CTNNA2: variants seen among roughly 807,000 people sequenced by gnomAD.
CTNNA2 encodes the protein catenin alpha 2, also known as catenin alpha-2.
Under a neutral mutation model 101.0 loss-of-function variants are expected in CTNNA2, and 42 were observed. That is an observed-to-expected ratio of 0.42 (90% confidence interval 0.32 to 0.54). The LOEUF is 0.54. Ranked by LOEUF, CTNNA2 falls within the 20% of genes least tolerant of loss-of-function variation. CTNNA2 has a pLI of 0.14. For synonymous variants in CTNNA2, 450 were observed against 456.4 expected, an observed-to-expected ratio of 0.99 and a Z score of 0.18; for missense variants, 871 against 1,223.1, an observed-to-expected ratio of 0.71 and a Z score of 4.29.
chr2:79,656,356 C>A (rs747434669), intron 2 of CTNNA2, among the ~76,000 whole-genome samples: 9 of 152,108 alleles, frequency 5.9e-5, no homozygotes, highest in Non-Finnish European at 1.2e-4. Flanking sequence ...CCAGTTGTAT[C>A]AAACACATAC....
chr2:80,005,119 A>G (rs1399248533), intron 7 of CTNNA2, among the ~76,000 whole-genome samples: 3 of 152,202 alleles, frequency 2.0e-5, no homozygotes, highest in Non-Finnish European at 4.4e-5. Context: ...TGGAAGTAAC[A>G]CAGGAAAGAC....
rs555002424 is a variant in CTNNA2 at position 80,600,809 on chromosome 2, G to A, written c.2190-3265G>A. On this transcript the variant is annotated intron_variant, in intron 15 of 18. Coordinates refer to ENST00000402739, the MANE Select transcript of CTNNA2 (RefSeq NM_001282597.3). Reference sequence around the variant, plus strand: ...TAGGATGGTCTTGAGCCCCTGGCAAGTGATCTACCAGCCTCTGCCTCCCAA... The same window carrying A: ...TAGGATGGTCTTGAGCCCCTGGCAAATGATCTACCAGCCTCTGCCTCCCAA... 2.0e-5 allele frequency among the ~76,000 whole-genome samples: 3 copies of A among 152,220 alleles called. No individual in the cohort carries two copies. The East Asian group carries it at 5.8e-4, about 30-fold the overall frequency.
chr2:79,830,004 T>A (rs1399640020), intron 3 of CTNNA2, among the ~76,000 whole-genome samples: 1 of 152,162 alleles, frequency 6.6e-6, no homozygotes, highest in Non-Finnish European at 1.5e-5. Flanking sequence ...GTCTCAGTGC[T>A]GCTAGAAGCT....
rs568643657 is a variant in CTNNA2 at position 79,955,297 on chromosome 2, A to C, written c.1056+45500A>C. Reference sequence around the variant, plus strand: ...TGTGGTTTAATAGATTAAATTTTAGAAGCCAGAAAAAAATTAAAACAATGA... The same window carrying C: ...TGTGGTTTAATAGATTAAATTTTAGCAGCCAGAAAAAAATTAAAACAATGA... On this transcript the variant is annotated intron_variant, in intron 7 of 18. Coordinates refer to ENST00000402739, the MANE Select transcript of CTNNA2 (RefSeq NM_001282597.3). Among the ~76,000 whole-genome samples the C allele has an allele frequency of 7.9e-4, 121 of 152,266 alleles. 1 individual carries two copies. The highest frequency in any genetic ancestry group is 2.7e-3 in the African/African-American group (114 of 41,540).
intron 7 of CTNNA2, among the ~76,000 whole-genome samples, chr2:80,291,554 A>G (rs1675242433): frequency 6.6e-6 from 1 of 152,252 alleles, no homozygotes; most frequent in Admixed American, 6.5e-5. Context: ...ACAAAGAAAA[A>G]GCTTCTTTAA....
chr2:79,599,078 C>T (rs1039592362), intron 1 of CTNNA2, among the ~76,000 whole-genome samples: 2 of 151,982 alleles, frequency 1.3e-5, no homozygotes, highest in African/African-American at 4.8e-5. Flanking sequence ...CATTCTGTTG[C>T]CTTCTCTCTT....
At chr2:79,279,257 T>C (rs554469127) in intron 2 of CTNNA2, among the ~76,000 whole-genome samples, 3 of 152,194 alleles carry the variant, frequency 2.0e-5, no homozygotes, top group East Asian at 3.9e-4. Flanking sequence ...ACTGGGGTTG[T>C]GTGCCCTCGC....
chr2:80,129,462 A>G (rs1210226885), intron 7 of CTNNA2, among the ~76,000 whole-genome samples: 1 of 152,016 alleles, frequency 6.6e-6, no homozygotes, highest in Non-Finnish European at 1.5e-5. Context: ...TGTTACTGAT[A>G]CCTCCTATCC....
chr2:79,589,224 C>G (rs1014809321), intron 1 of CTNNA2, among the ~76,000 whole-genome samples: 1 of 152,164 alleles, frequency 6.6e-6, no homozygotes, highest in East Asian at 1.9e-4. Context: ...CAGGCCAAGG[C>G]AGTCCACCAG....
At chr2:80,272,728 G>C (rs1415905922) in intron 7 of CTNNA2, among the ~76,000 whole-genome samples, 1 of 152,100 alleles carries the variant, frequency 6.6e-6, no homozygotes, top group Non-Finnish European at 1.5e-5. Flanking sequence ...TTTAGTATAA[G>C]TATGTCCCAT....
chr2:80,460,716 T>C (rs1684352169), intron 9 of CTNNA2, among the ~76,000 whole-genome samples: 1 of 152,150 alleles, frequency 6.6e-6, no homozygotes, highest in African/African-American at 2.4e-5. Flanking sequence ...AAGTCTTCCC[T>C]ATTGGTTTGC....
In CTNNA2 at chr2:79,869,780, A is replaced by G. The variant is rs774402697; in HGVS notation, c.466-36A>G. 6 of 1,598,042 alleles carry G rather than the reference A, an allele frequency of 3.8e-6. No individual in the cohort carries two copies. The African/African-American group carries it at 6.8e-5, about 18-fold the overall frequency. On this transcript the variant is annotated intron_variant, in intron 4 of 18. Coordinates refer to ENST00000402739, the MANE Select transcript of CTNNA2 (RefSeq NM_001282597.3). ...ACATGTTGAATAATATTTAAATACTATCCACTAATAAATATGTTGTTTTTC... is the reference window on the plus strand; with the variant it reads ...ACATGTTGAATAATATTTAAATACTGTCCACTAATAAATATGTTGTTTTTC...
At chr2:79,326,850 C>G (rs1236139337) in intron 3 of CTNNA2, among the ~76,000 whole-genome samples, 1 of 152,118 alleles carries the variant, frequency 6.6e-6, no homozygotes, top group African/African-American at 2.4e-5. Context: ...ATCATGATCT[C>G]AAAGGCCTTC....
At chr2:79,194,287 A>G (rs534875614) in intron 1 of CTNNA2, among the ~76,000 whole-genome samples, 3 of 152,308 alleles carry the variant, frequency 2.0e-5, no homozygotes, top group African/African-American at 7.2e-5. Flanking sequence ...ATGTGAGTAT[A>G]CAGCAGGGTC....
chr2:80,314,825 G>T (rs2149235381), intron 7 of CTNNA2, among the ~76,000 whole-genome samples: 1 of 152,328 alleles, frequency 6.6e-6, no homozygotes, highest in Middle Eastern at 3.4e-3. Flanking sequence ...ATGGAACAAG[G>T]TGATGGCTGG....
intron 3 of CTNNA2, among the ~76,000 whole-genome samples, chr2:79,316,304 T>A (rs13385415): frequency 0.34 from 52,261 of 151,884 alleles, 9,561 homozygotes; most frequent in African/African-American, 0.47. Context: ...TCAATGATCT[T>A]TGTGTCTCTT....
chr2:80,208,572 TAC>T (rs1025130825), intron 7 of CTNNA2, among the ~76,000 whole-genome samples: 2 of 152,174 alleles, frequency 1.3e-5, no homozygotes, highest in Admixed American at 1.3e-4. Flanking sequence ...GCAGGATTGT[TAC>T]CTTATGGGAG....
chr2:79,808,693 A>C lies in CTNNA2; in HGVS notation c.299-49320A>C, dbSNP rs573460280. 7.2e-5 allele frequency among the ~76,000 whole-genome samples: 11 copies of C among 152,278 alleles called. No homozygotes were observed. The East Asian group carries it at 1.9e-3, about 27-fold the overall frequency. ...TCCTACGAGTTTTATAGTTTTAAGC[A>C]TTACATTTAGATTTTTAATTTATTT... On this transcript the variant is annotated intron_variant, in intron 3 of 18. Coordinates refer to ENST00000402739, the MANE Select transcript of CTNNA2 (RefSeq NM_001282597.3).
chr2:80,158,993 A>C (rs990029587), intron 7 of CTNNA2, among the ~76,000 whole-genome samples: 1 of 151,892 alleles, frequency 6.6e-6, no homozygotes, highest in Non-Finnish European at 1.5e-5. Flanking sequence ...ACTTATCATT[A>C]TTCTCTGGAG....
Sources: allele counts gnomAD v4.1 joint callset (sites outside exome capture counted in the v4.1 genomes callset), GRCh38; gene constraint gnomAD v4.1.1; transcripts MANE v1.5; gene names NCBI Gene and HGNC (gene_info 2026-07-23, HGNC 2026-07-21).